Variants in BCL11B observed in about 807,000 individuals in gnomAD.
BCL11B encodes the protein B-cell lymphoma/leukemia 11B.
BCL11B carries 8 observed loss-of-function variants against 49.9 expected under a neutral mutation model. The observed-to-expected ratio is 0.16, with a 90% CI of 0.09 to 0.29. The LOEUF (loss-of-function observed/expected upper bound fraction) is 0.29, where lower values mean the gene tolerates loss of function less well. Ranked by LOEUF, BCL11B falls within the 10% of genes least tolerant of loss-of-function variation. The pLI is 1.00. For missense variants in BCL11B, 1,006 were observed against 1,351.0 expected (o/e 0.74, Z 4.00); for synonymous variants, 739 against 637.4 (o/e 1.16, Z -2.40).
chr14:99,199,687 C>CGCGCGCGCACGTGCACGTGTGT (rs1887306803), intron 3 of BCL11B, among the ~76,000 whole-genome samples: 1 of 58,850 alleles, frequency 1.7e-5, no homozygotes, highest in African/African-American at 4.6e-5. Context: ...TGTGTGTGCG[C>CGCGCGCGCACGTGCACGTGTGT]GCGCGCGCGC....
intron 1 of BCL11B, among the ~76,000 whole-genome samples, chr14:99,269,465 C>T (rs1258011539): frequency 1.3e-5 from 2 of 151,824 alleles, no homozygotes; most frequent in African/African-American, 2.4e-5. Flanking sequence ...CTCTTCCCTT[C>T]CTCCAAAGAG....
chr14:99,256,903 C>T (rs1889179490), intron 2 of BCL11B, among the ~76,000 whole-genome samples: 1 of 152,100 alleles, frequency 6.6e-6, no homozygotes, highest in African/African-American at 2.4e-5. Context: ...GATCAGGGGG[C>T]CTAACTCCTC....
At position 99,247,358 on chromosome 14, in the gene BCL11B, A is replaced by T. The variant is rs2139930967; in HGVS notation, c.427+10113T>A. Among the ~76,000 whole-genome samples the T allele has an allele frequency of 6.6e-6, 1 of 152,228 alleles. No individual in the cohort carries two copies. The highest frequency in any genetic ancestry group is 2.4e-5 in the African/African-American group (1 of 41,550). On this transcript the variant is annotated intron_variant, in intron 2 of 3. Coordinates refer to ENST00000357195, the MANE Select transcript of BCL11B (RefSeq NM_138576.4). This position sits in a 1 kb window ranked among gnomAD's most constrained non-coding sequence, Gnocchi z 4.5. ...AAAGAACCCGCTCCAGCCCCAGGAA[A>T]ACTTAGTTTTGCTGGGTTTACCAAC...
rs1886273290 is a variant in BCL11B at position 99,171,035 on chromosome 14, A to G, written c.*3116T>C. 4.3e-6 allele frequency: 1 copy of G among 231,474 alleles called. No individual in the cohort carries two copies. The highest frequency in any genetic ancestry group is 8.6e-6 in the Non-Finnish European group (1 of 116,820). The allele number at this position is 231,474 out of a possible 1,614,324, so 14.3% of individuals were successfully genotyped here. A position where few individuals can be genotyped will look rare whatever the true frequency, so the allele number is the denominator to read the frequency against. ...CTCCTCTACATCTGACATCTTAGAG[A>G]TGGCCTCTTAGAGAAAGGGAGGACG... On this transcript the variant is annotated 3_prime_UTR_variant, in exon 4 of 4. Coordinates refer to ENST00000357195, the MANE Select transcript of BCL11B (RefSeq NM_138576.4).
At position 99,170,972 on chromosome 14, in the gene BCL11B, G is replaced by A. The variant is rs561858321; in HGVS notation, c.*3179C>T. 1 of 232,658 alleles carries A rather than the reference G, an allele frequency of 4.3e-6. No homozygotes were observed. The highest frequency in any genetic ancestry group is 1.8e-4 in the South Asian group (1 of 5,522). The allele number at this position is 232,658 out of a possible 1,614,324, so 14.4% of individuals were successfully genotyped here. ...GAGGTGGTGGTGGTGACCGCCACAG[G>A]AGTGATGGTAGAGAAGGAAGATGTT... On this transcript the variant is annotated 3_prime_UTR_variant, in exon 4 of 4. Transcript: ENST00000357195.
At chr14:99,210,950 T>G (rs1169268042) in intron 3 of BCL11B, among the ~76,000 whole-genome samples, 1 of 152,080 alleles carries the variant, frequency 6.6e-6, no homozygotes, top group Admixed American at 6.5e-5. Context: ...CACCTTCCCC[T>G]CTACCAACGA....
intron 3 of BCL11B, among the ~76,000 whole-genome samples, chr14:99,217,387 C>CACACACACACATACAGACACAG (rs760918347): frequency 8.1e-6 from 1 of 122,854 alleles, no homozygotes; most frequent in African/African-American, 2.7e-5. Flanking sequence ...CACATACAGA[C>CACACACACACATACAGACACAG]ACACACACAC....
Position 99,173,905 on chromosome 14 carries a change from T to A in BCL11B, c.*246A>T. ...AAAGTACCTGCACATGCCAAAAAAATTACAAAACCCAATAAATACAGAAAT... is the reference window on the plus strand; with the variant it reads ...AAAGTACCTGCACATGCCAAAAAAAATACAAAACCCAATAAATACAGAAAT... On this transcript the variant is annotated 3_prime_UTR_variant, in exon 4 of 4. Coordinates refer to ENST00000357195, the MANE Select transcript of BCL11B (RefSeq NM_138576.4). 1 of 529,834 alleles carries A rather than the reference T, an allele frequency of 1.9e-6. No homozygotes were observed. The highest frequency in any genetic ancestry group is 3.3e-6 in the Non-Finnish European group (1 of 300,894). 32.8% of individuals were successfully genotyped at this position (529,834 alleles called of 1,614,324 possible).
At chr14:99,269,866 T>A (rs1177535620) in intron 1 of BCL11B, among the ~76,000 whole-genome samples, 6 of 114,312 alleles carry the variant, frequency 5.2e-5, no homozygotes, top group African/African-American at 2.0e-4. Flanking sequence ...GTTTTATTTC[T>A]ATTGCAGTTA....
chr14:99,193,477 A>G (rs896480487), intron 3 of BCL11B, among the ~76,000 whole-genome samples: 17 of 152,102 alleles, frequency 1.1e-4, no homozygotes, highest in African/African-American at 2.9e-4. Flanking sequence ...TAAAAAAAAA[A>G]GGGGACATTA....
At chr14:99,197,133 A>G (rs1460802928) in intron 3 of BCL11B, among the ~76,000 whole-genome samples, 1 of 151,984 alleles carries the variant, frequency 6.6e-6, no homozygotes, top group Non-Finnish European at 1.5e-5. Flanking sequence ...ATGCCTTTCC[A>G]CCTCCCCAGC....
chr14:99,229,009 T>G (rs563601953), intron 3 of BCL11B, among the ~76,000 whole-genome samples: 24 of 103,024 alleles, frequency 2.3e-4, no homozygotes, highest in African/African-American at 8.8e-4. Context: ...GATGAATGGA[T>G]GGATGGATGG....
Position 99,201,245 on chromosome 14 carries a change from A to T in BCL11B, c.641-25050T>A, listed in dbSNP as rs547698262. Among the ~76,000 whole-genome samples the T allele has an allele frequency of 8.5e-4, 129 of 152,338 alleles. 1 individual carries two copies. Among genetic ancestry groups the T allele is most frequent in the Non-Finnish European group, 1.6e-3 (107 of 68,038 alleles). ...TCATTGTAAAGAATGCCTGAAAAGC[A>T]AATTGACCCTCACCAGCTGAAGAGT... On this transcript the variant is annotated intron_variant, in intron 3 of 3. Coordinates refer to ENST00000357195, the MANE Select transcript of BCL11B (RefSeq NM_138576.4).
At chr14:99,218,854 T>C (rs1887929593) in intron 3 of BCL11B, among the ~76,000 whole-genome samples, 2 of 152,130 alleles carry the variant, frequency 1.3e-5, no homozygotes, top group African/African-American at 4.8e-5. Context: ...ATGGTCTAGG[T>C]GGGTCCTGAA....
rs1420498284 is a variant in BCL11B at position 99,173,541 on chromosome 14, C to T, written c.*610G>A. ...CGCTGTACATCCACACCCCCCACCC[C>T]AAAAACAAAAACCAAAAAAAAAATT... On this transcript the variant is annotated 3_prime_UTR_variant, in exon 4 of 4. Coordinates refer to ENST00000357195, the MANE Select transcript of BCL11B (RefSeq NM_138576.4). 1 of 177,796 alleles carries T rather than the reference C, an allele frequency of 5.6e-6. No homozygotes were observed. The highest frequency in any genetic ancestry group is 2.6e-5 in the African/African-American group (1 of 38,250). 11.0% of individuals were successfully genotyped at this position (177,796 alleles called of 1,614,324 possible). A position where few individuals can be genotyped will look rare whatever the true frequency, so the allele number is the denominator to read the frequency against.
In BCL11B at chr14:99,194,917, C is replaced by CAA. The variant is rs1887137950; in HGVS notation, c.641-18724_641-18723dup. On this transcript the variant is annotated intron_variant, in intron 3 of 3. Transcript: ENST00000357195. This position sits in a 1 kb window ranked among gnomAD's most constrained non-coding sequence, Gnocchi z 4.6. ...AAGTGCAGAAGCCAAGGCTCAGGAACAAAGCGCGTCTACCCAAGGCCATCC... is the reference window on the plus strand; with the variant it reads ...AAGTGCAGAAGCCAAGGCTCAGGAACAAAAAGCGCGTCTACCCAAGGCCATCC... Among the ~76,000 whole-genome samples the CAA allele has an allele frequency of 6.6e-6, 1 of 152,198 alleles. No homozygotes were observed. The highest frequency in any genetic ancestry group is 1.5e-5 in the Non-Finnish European group (1 of 68,038).
At chr14:99,221,413 C>T (rs1268569921) in intron 3 of BCL11B, among the ~76,000 whole-genome samples, 1 of 152,240 alleles carries the variant, frequency 6.6e-6, no homozygotes. Flanking sequence ...GCATTCACCT[C>T]CCTGGAGAAG....
chr14:99,206,216 C>T (rs1439625749), intron 3 of BCL11B, among the ~76,000 whole-genome samples: 2 of 152,172 alleles, frequency 1.3e-5, no homozygotes, highest in Non-Finnish European at 2.9e-5. Context: ...GGGCCACAAA[C>T]TACGGGCCAT....
intron 3 of BCL11B, among the ~76,000 whole-genome samples, chr14:99,197,884 C>T (rs760050048): frequency 2.0e-5 from 3 of 152,148 alleles, no homozygotes; most frequent in Non-Finnish European, 2.9e-5. Flanking sequence ...GCTGTGCAGG[C>T]CCCTGACTTC....
Sources: gnomAD v4.1 joint callset for allele counts (sites outside exome capture counted in the v4.1 genomes callset) on GRCh38, gnomAD v4.1.1 for gene constraint, Gnocchi (gnomAD v3.1) non-coding constraint, MANE v1.5 for transcripts, NCBI Gene and HGNC (gene_info 2026-07-23, HGNC 2026-07-21) for gene names.